UNC50: variants seen among roughly 807,000 people sequenced by gnomAD.
UNC50 encodes unc-50 inner nuclear membrane RNA binding protein, also known as protein unc-50 homolog.
In UNC50, 24 loss-of-function variants were observed where a neutral mutation model predicts 31.5. The ratio of observed to expected loss-of-function variants is 0.76; its 90% confidence interval spans 0.55 to 1.07. The LOEUF (loss-of-function observed/expected upper bound fraction) is 1.07. Ranked by LOEUF, UNC50 falls within the 50% of genes least tolerant of loss-of-function variation. The probability of loss-of-function intolerance (pLI) is 0.00; values close to 1 mark genes in which losing one functional copy is unlikely to be tolerated. For missense variants in UNC50, 245 were observed against 304.2 expected (o/e 0.81, Z 1.45); for synonymous variants, 118 against 114.7 (o/e 1.03, Z -0.18).
At chr2:98,618,048 T>C (rs537543875) in intron 5 of UNC50, 120 bp from the exon 6 acceptor site, 2 of 1,083,526 alleles carry the variant, frequency 1.8e-6, no homozygotes, top group African/African-American at 3.2e-5. Flanking sequence ...ATCTTACTGA[T>C]TCAAAATATG....
At position 98,608,702 on chromosome 2, in the gene UNC50, G is replaced by A. The variant is rs570585020; in HGVS notation, c.-29G>A. 1.6e-3 allele frequency: 774 copies of A among 477,124 alleles called. 5 individuals are homozygous for A. The highest frequency in any genetic ancestry group is 0.012 in the African/African-American group (594 of 49,100). 29.6% of individuals were successfully genotyped at this position (477,124 alleles called of 1,614,324 possible). A position where few individuals can be genotyped will look rare whatever the true frequency, so the allele number is the denominator to read the frequency against. ...GAGGTGGTGGGCTGGTTCGGACGTGGGTCGAGGCTGTAGCAGGACTCCAGG... is the reference window on the plus strand; with the variant it reads ...GAGGTGGTGGGCTGGTTCGGACGTGAGTCGAGGCTGTAGCAGGACTCCAGG... On this transcript the variant is annotated 5_prime_UTR_variant, in exon 1 of 6. Coordinates refer to ENST00000357765, the MANE Select transcript of UNC50 (RefSeq NM_014044.7).
chr2:98,616,325 A>T lies in UNC50; in HGVS notation c.520A>T (p.Ile174Phe), dbSNP rs1359853222. 1.2e-6 allele frequency: 2 copies of T among 1,613,892 alleles called. No homozygotes were observed. Among genetic ancestry groups the T allele is most frequent in the South Asian group, 2.2e-5 (2 of 91,046 alleles). ...TCCACTCCTGGTCATTTTGCATTTT[A>T]TCCAGCTTTTTTTCATCAACCGTAA... ...FYPLLVILHF[I>F]QLFFINHVIL... The change falls in exon 4 of 6, where the codon ATC becomes TTC. Residue 174 changes from isoleucine (I) to phenylalanine (F), a missense_variant. Physicochemically the swap from Ile to Phe is conservative, Grantham distance 21 (BLOSUM62 0). Transcript: ENST00000357765.
rs1418617105 is a variant in UNC50 at position 98,609,943 on chromosome 2, A to G, written c.184A>G (p.Arg62Gly). Residue 62 changes from arginine (R) to glycine (G), a missense_variant, in exon 2 of 6, where the codon AGA becomes GGA. Coordinates refer to ENST00000357765, the MANE Select transcript of UNC50 (RefSeq NM_014044.7). ...GCTCTACCTGTTCACATCCCCACAG[A>G]GAGTTTACAGAAATTTTCATTATCG... ...QMLYLFTSPQ[R>G]VYRNFHYRKQ... 1 of 1,614,236 alleles carries G rather than the reference A, an allele frequency of 6.2e-7. No homozygotes were observed. Among genetic ancestry groups the G allele is most frequent in the South Asian group, 1.1e-5 (1 of 91,088 alleles).
intron 5 of UNC50, 53 bp downstream of exon 5, chr2:98,616,586 G>C: frequency 3.8e-5 from 54 of 1,414,766 alleles, no homozygotes; most frequent in Non-Finnish European, 5.2e-5. Context: ...GAGGGGGAAA[G>C]TTGTAACAGT....
At chr2:98,609,509 C>T in intron 1 of UNC50, 2 of 571,902 alleles carry the variant, frequency 3.5e-6, no homozygotes, top group Non-Finnish European at 6.2e-6. Flanking sequence ...GTAGCTGCCC[C>T]TGGATAAGTG....
chr2:98,616,421 T>C lies in UNC50; in HGVS notation c.542-11T>C. 1 of 1,613,834 alleles carries C rather than the reference T, an allele frequency of 6.2e-7. No homozygotes were observed. The highest frequency in any genetic ancestry group is 8.5e-7 in the Non-Finnish European group (1 of 1,179,750). On this transcript the variant is annotated splice_polypyrimidine_tract_variant and intron_variant, in intron 4 of 5. Coordinates refer to ENST00000357765, the MANE Select transcript of UNC50 (RefSeq NM_014044.7). ...GGTAAAGGGACTCATGGTCTGCGTCTCTTCTGGCAGATGTTATCCTGACAG... is the reference window on the plus strand; with the variant it reads ...GGTAAAGGGACTCATGGTCTGCGTCCCTTCTGGCAGATGTTATCCTGACAG...
chr2:98,616,478 C>T lies in UNC50; in HGVS notation c.588C>T (p.Thr196=), dbSNP rs765311716. Residue 196 remains threonine (T), a synonymous_variant, in exon 5 of 6, where the codon ACC becomes ACT. Coordinates refer to ENST00000357765, the MANE Select transcript of UNC50 (RefSeq NM_014044.7). ...TTATTGGATATTTAGTTGGAAATACCTTATGGTTGGTTGCAGTTGGCTATT... is the reference window on the plus strand; with the variant it reads ...TTATTGGATATTTAGTTGGAAATACTTTATGGTTGGTTGCAGTTGGCTATT... ...DTFIGYLVGN[T]LWLVAVGYYI... is the part of the protein sequence containing the mutation. The T allele has an allele frequency of 2.8e-5, 45 of 1,613,858 alleles. No individual in the cohort carries two copies. Among genetic ancestry groups the T allele is most frequent in the Non-Finnish European group, 3.4e-6 (4 of 1,179,968 alleles).
intron 3 of UNC50, among the ~76,000 whole-genome samples, chr2:98,613,891 G>A (rs1700878396): frequency 6.6e-6 from 1 of 152,232 alleles, no homozygotes; most frequent in Non-Finnish European, 1.5e-5. Flanking sequence ...ATAAGGTGGT[G>A]GTTTGTGGAG....
rs1005882269 is a variant in UNC50, at chr2:98,618,469, A to C, written c.*165A>C. 3 of 506,704 alleles carry C rather than the reference A, an allele frequency of 5.9e-6. No homozygotes were observed. 31.4% of individuals were successfully genotyped at this position (506,704 alleles called of 1,614,324 possible). ...ACACTGTGGTCAGGTACATTCCTTA[A>C]AACTAATTAAATGTACATTTCTATA... On this transcript the variant is annotated 3_prime_UTR_variant, in exon 6 of 6. Coordinates refer to ENST00000357765, the MANE Select transcript of UNC50 (RefSeq NM_014044.7).
rs897776687 is a variant in UNC50, at chr2:98,608,675, A to G, written c.-56A>G. On this transcript the variant is annotated 5_prime_UTR_variant, in exon 1 of 6. Transcript: ENST00000357765. ...GTGGCGGCTGGGGTCGGCTGCTGGG[A>G]GGAGGTGGTGGGCTGGTTCGGACGT... The G allele has an allele frequency of 1.7e-4, 89 of 523,592 alleles. No homozygotes were observed. Among genetic ancestry groups the G allele is most frequent in the Admixed American group, 3.2e-4 (10 of 30,918 alleles). The allele number at this position is 523,592 out of a possible 1,614,324, so 32.4% of individuals were successfully genotyped here.
intron 3 of UNC50, 68 bp downstream of exon 3, chr2:98,610,963 A>G: frequency 6.6e-7 from 1 of 1,511,886 alleles, no homozygotes; most frequent in Non-Finnish European, 8.9e-7. Context: ...TCAGAGGTAC[A>G]ATAGCAGCAG....
chr2:98,611,015 T>G (rs1700819524), intron 3 of UNC50, 120 bp downstream of exon 3: 2 of 1,198,024 alleles, frequency 1.7e-6, no homozygotes, highest in Admixed American at 5.3e-5. Flanking sequence ...ATGATCAATT[T>G]TGACTGCCAA....
chr2:98,615,713 A>T (rs1055633327), intron 3 of UNC50, among the ~76,000 whole-genome samples: 2 of 152,230 alleles, frequency 1.3e-5, no homozygotes, highest in Non-Finnish European at 2.9e-5. Context: ...ATTTAAGTCA[A>T]ATACTTTTCT....
Position 98,616,523 on chromosome 2 carries a change from G to C in UNC50, c.633G>C (p.Leu211=). Residue 211 remains leucine (L), a synonymous_variant, in exon 5 of 6, where the codon CTG becomes CTC. Transcript: ENST00000357765. ...AVGYYIYVTF[L]GYSALPFLKN... is the part of the protein sequence containing the mutation. Reference sequence around the variant, plus strand: ...GCTATTATATCTATGTAACTTTCCTGGGATACAGTGGTAAGTAATTTTTTT... The same window carrying C: ...GCTATTATATCTATGTAACTTTCCTCGGATACAGTGGTAAGTAATTTTTTT... 6.2e-7 allele frequency: 1 copy of C among 1,612,210 alleles called. No individual in the cohort carries two copies. The highest frequency in any genetic ancestry group is 8.5e-7 in the Non-Finnish European group (1 of 1,178,824).
At chr2:98,608,756 GCGGCCCGGGCT>G (rs1276840529) in intron 1 of UNC50, 30 bp downstream of exon 1, 1 of 329,304 alleles carries the variant, frequency 3.0e-6, no homozygotes, top group Non-Finnish European at 5.7e-6. Context: ...CTGCCCTCCC[GCGGCCCGGGCT>G]CGCGCCGGGG....
In UNC50 at chr2:98,610,027, A is replaced by G. The variant is rs370491661; in HGVS notation, c.268A>G (p.Ile90Val). ...DDPAFLVLLS[I>V]WLCVSTIGFG... The stretch of plus-strand genomic sequence containing the variant: ...CCCTGCTTTCTTGGTCCTGTTAAGT[A>G]TCTGGCTCTGTGGTAAGTGTGTTTA... The change falls in exon 2 of 6, where the codon ATC becomes GTC. Residue 90 changes from isoleucine (I) to valine (V), a missense_variant. Ile to Val is a conservative substitution (Grantham distance 29). Transcript: ENST00000357765. The G allele has an allele frequency of 6.2e-6, 10 of 1,612,732 alleles. No homozygotes were observed. The African/African-American group carries it at 1.1e-4, about 17-fold the overall frequency.
Position 98,616,476 on chromosome 2 carries a change from A to G in UNC50, c.586A>G (p.Thr196Ala). ...DTFIGYLVGN[T>A]LWLVAVGYYI... Reference sequence around the variant, plus strand: ...ATTTATTGGATATTTAGTTGGAAATACCTTATGGTTGGTTGCAGTTGGCTA... The same window carrying G: ...ATTTATTGGATATTTAGTTGGAAATGCCTTATGGTTGGTTGCAGTTGGCTA... Residue 196 changes from threonine to alanine, a missense_variant, in exon 5 of 6, where the codon ACC (threonine) becomes GCC (alanine). By Grantham distance (58) the Thr-to-Ala change is moderately conservative. Transcript: ENST00000357765. 1 of 1,614,082 alleles carries G rather than the reference A, an allele frequency of 6.2e-7. No homozygotes were observed. Among genetic ancestry groups the G allele is most frequent in the Non-Finnish European group, 8.5e-7 (1 of 1,179,976 alleles).
chr2:98,618,372 T>A lies in UNC50; in HGVS notation c.*68T>A, dbSNP rs1485778807. On this transcript the variant is annotated 3_prime_UTR_variant, in exon 6 of 6. Coordinates refer to ENST00000357765, the MANE Select transcript of UNC50 (RefSeq NM_014044.7). ...GTGAAGTGATCATTTCTTGTAAAAC[T>A]TGTAAATAAACTATCATCTTTGTAG... The A allele has an allele frequency of 6.8e-7, 1 of 1,468,664 alleles. No homozygotes were observed. Among genetic ancestry groups the A allele is most frequent in the Non-Finnish European group, 9.0e-7 (1 of 1,104,974 alleles). 91.0% of individuals were successfully genotyped at this position (1,468,664 alleles called of 1,614,324 possible). A position where few individuals can be genotyped will look rare whatever the true frequency, so the allele number is the denominator to read the frequency against.
In UNC50 at chr2:98,610,433, A is replaced by T. The variant is rs116202709; in HGVS notation, c.281-342A>T. 5.6e-3 allele frequency among the ~76,000 whole-genome samples: 860 copies of T among 152,330 alleles called. 12 individuals are homozygous for T. The highest frequency in any genetic ancestry group is 0.031 in the Middle Eastern group (9 of 294). On this transcript the variant is annotated intron_variant, in intron 2 of 5. Transcript: ENST00000357765. ...TGAAGTTCTCCAATTCCATAATGCA[A>T]GGGTCTCATTTACCTGTAGGGTGTT...
Sources: allele counts gnomAD v4.1 joint callset (sites outside exome capture counted in the v4.1 genomes callset), GRCh38; gene constraint gnomAD v4.1.1; transcripts MANE v1.5; gene names NCBI Gene and HGNC (gene_info 2026-07-23, HGNC 2026-07-21).